Variants in CUX1 observed in about 807,000 individuals in gnomAD.
The protein encoded by CUX1 is cut like homeobox 1.
CUX1 carries 31 observed loss-of-function variants against 158.8 expected under a neutral mutation model. The ratio of observed to expected loss-of-function variants is 0.20; its 90% CI spans 0.15 to 0.26. The LOEUF is 0.26. Ranked by LOEUF, CUX1 falls within the 10% of genes least tolerant of loss-of-function variation. The pLI, the probability that CUX1 is intolerant of heterozygous loss-of-function variation, is 1.00. For synonymous variants in CUX1, 879 were observed against 862.1 expected, an observed-to-expected ratio of 1.02 and a Z score of -0.34; for missense variants, 1,589 against 2,014.6, an observed-to-expected ratio of 0.79 and a Z score of 4.04.
At chr7:101,903,947 A>AT (rs1396104522) in intron 1 of CUX1, among the ~76,000 whole-genome samples, 2 of 152,082 alleles carry the variant, frequency 1.3e-5, no homozygotes, top group African/African-American at 2.4e-5. Context: ...CCAAATTATA[A>AT]TTTTTTATTC....
intron 20 of CUX1, among the ~76,000 whole-genome samples, chr7:102,216,932 C>T (rs908584325): frequency 1.1e-4 from 16 of 152,022 alleles, no homozygotes; most frequent in Non-Finnish European, 4.4e-5. Flanking sequence ...TCTTTGATTA[C>T]AGCAAAGCAA....
At chr7:102,224,003 T>A (rs980029011) in intron 20 of CUX1, among the ~76,000 whole-genome samples, 2 of 152,104 alleles carry the variant, frequency 1.3e-5, no homozygotes, top group Non-Finnish European at 2.9e-5. Flanking sequence ...CTCCCCAACA[T>A]GATGTTCTGA....
At chr7:102,063,367 TTAAG>T (rs5886213) in intron 3 of CUX1, among the ~76,000 whole-genome samples, 9,772 of 149,884 alleles carry the variant, frequency 0.065, 494 homozygotes, top group African/African-American at 0.14. Flanking sequence ...TCTTTACATA[TTAAG>T]TATTTCCTTT....
At chr7:102,163,921 G>C (rs1374415580) in intron 9 of CUX1, among the ~76,000 whole-genome samples, 1 of 152,192 alleles carries the variant, frequency 6.6e-6, no homozygotes, top group Non-Finnish European at 1.5e-5. Flanking sequence ...CTCAACCACT[G>C]TGCTCCTGTT....
chr7:102,097,484 C>A lies in CUX1; in HGVS notation c.389C>A (p.Ala130Asp). 6.2e-7 allele frequency: 1 copy of A among 1,600,172 alleles called. No homozygotes were observed. The highest frequency in any genetic ancestry group is 1.1e-5 in the South Asian group (1 of 87,688). ...CTGGAAGAATACAACAAGGAATTTG[C>A]TGAAGTGAAAAATCAAGGTTGGTGG... ...ETLEEYNKEF[A>D]EVKNQEVTIK... is the part of the protein sequence containing the mutation. Residue 130 changes from alanine to aspartate, a missense_variant, in exon 5 of 24, where the codon GCT becomes GAT. Ala to Asp is a moderately radical substitution (Grantham distance 126, BLOSUM62 -2). Around this residue, in one of 8 missense-constraint regions of CUX1, gnomAD observed 515 missense variants for 574.4 expected, o/e 0.90. Transcript: ENST00000292535.
intron 4 of CUX1, among the ~76,000 whole-genome samples, chr7:102,079,499 A>G (rs1827129810): frequency 6.6e-6 from 1 of 151,982 alleles, no homozygotes; most frequent in Non-Finnish European, 1.5e-5. Context: ...TTTTCATGCC[A>G]AGAAGTTCAT....
rs1789954443 is a variant in CUX1, at chr7:102,256,885, G to A, written c.*7843G>A. The A allele has an allele frequency of 6.1e-6, 6 of 985,416 alleles. 1 individual carries two copies. In the South Asian group the frequency reaches 1.9e-4, roughly 31 times the overall value. 61.0% of individuals were successfully genotyped at this position (985,416 alleles called of 1,614,324 possible). ...TTGGTTTTTTGTTGTTGTTTTTCTT[G>A]CGTACAAAGTTGGTCAAAACCATCT... is the stretch of plus-strand genomic sequence containing the variant. On this transcript the variant is annotated 3_prime_UTR_variant, in exon 24 of 24. Transcript: ENST00000292535.
At chr7:102,056,609 C>T (rs1003162434) in intron 3 of CUX1, among the ~76,000 whole-genome samples, 9 of 152,246 alleles carry the variant, frequency 5.9e-5, no homozygotes, top group Non-Finnish European at 1.0e-4. Flanking sequence ...TTGCTCTTGT[C>T]ACCCAGGCTG....
chr7:102,040,832 T>G (rs1303714563), intron 3 of CUX1, among the ~76,000 whole-genome samples: 1 of 152,256 alleles, frequency 6.6e-6, no homozygotes, highest in East Asian at 1.9e-4. Context: ...GGCCTCTTTC[T>G]GCCCGACTTT....
chr7:102,175,946 G>A (rs1294889774), intron 10 of CUX1, among the ~76,000 whole-genome samples: 1 of 152,208 alleles, frequency 6.6e-6, no homozygotes, highest in African/African-American at 2.4e-5. Flanking sequence ...GCCTCACTGT[G>A]CACCAGCAAC....
At chr7:101,965,848 CAAAAAAAAAAAAA>C (rs36052208) in intron 2 of CUX1, among the ~76,000 whole-genome samples, 7 of 50,122 alleles carry the variant, frequency 1.4e-4, no homozygotes, top group African/African-American at 3.1e-4. Flanking sequence ...GACTCCATCT[CAAAAAAAAAAAAA>C]AAAAAAAAAA....
At position 102,200,177 on chromosome 7, in the gene CUX1, A is replaced by G; in HGVS notation, c.2062+5A>G. The G allele has an allele frequency of 5.0e-6, 8 of 1,604,486 alleles. No homozygotes were observed. The highest frequency in any genetic ancestry group is 6.0e-6 in the Non-Finnish European group (7 of 1,175,538). ...AGCTCCAAGTGCAGAAAACTGGTACAGCTTCCATTTCTTCATCCACTGTCT... is the reference window on the plus strand; with the variant it reads ...AGCTCCAAGTGCAGAAAACTGGTACGGCTTCCATTTCTTCATCCACTGTCT... On this transcript the variant is annotated splice_donor_5th_base_variant and intron_variant, in intron 17 of 23. Coordinates refer to ENST00000292535, the MANE Select transcript of CUX1 (RefSeq NM_181552.4).
chr7:101,996,518 G>C (rs922433841), intron 2 of CUX1, among the ~76,000 whole-genome samples: 2 of 152,042 alleles, frequency 1.3e-5, no homozygotes. Flanking sequence ...GAGCAGACCT[G>C]GGGGTGGCGG....
Position 102,250,397 on chromosome 7 carries a change from A to G in CUX1, c.*1355A>G, listed in dbSNP as rs1479535287. The G allele has an allele frequency of 1.0e-6, 1 of 985,392 alleles. No individual in the cohort carries two copies. Among genetic ancestry groups the G allele is most frequent in the Non-Finnish European group, 1.2e-6 (1 of 830,010 alleles). 61.0% of individuals were successfully genotyped at this position (985,392 alleles called of 1,614,324 possible). On this transcript the variant is annotated 3_prime_UTR_variant, in exon 24 of 24. Transcript: ENST00000292535. ...CTCACACCACTCTCCTGGATACCTGATGAACTGAGCCCTCCCAGGGGAAGA... is the reference window on the plus strand; with the variant it reads ...CTCACACCACTCTCCTGGATACCTGGTGAACTGAGCCCTCCCAGGGGAAGA...
intron 1 of CUX1, among the ~76,000 whole-genome samples, chr7:101,833,246 AAAAAG>A (rs902283667): frequency 1.2e-4 from 18 of 151,616 alleles, no homozygotes; most frequent in Middle Eastern, 3.4e-3. Context: ...ACAGAAAAAA[AAAAAG>A]AAAAGAAAAG....
intron 2 of CUX1, among the ~76,000 whole-genome samples, chr7:101,978,338 G>A (rs1812978413): frequency 6.6e-6 from 1 of 152,114 alleles, no homozygotes; most frequent in Non-Finnish European, 1.5e-5. Flanking sequence ...GGGAAATGGC[G>A]TCACCACCCA....
At chr7:102,202,429 C>T (rs1554520091) in intron 18 of CUX1, among the ~76,000 whole-genome samples, 1 of 152,192 alleles carries the variant, frequency 6.6e-6, no homozygotes, top group Non-Finnish European at 1.5e-5. Flanking sequence ...CAGCCTTTCA[C>T]CTGCATGCTG....
chr7:102,156,040 G>A (rs140166296), intron 8 of CUX1, among the ~76,000 whole-genome samples: 1 of 152,292 alleles, frequency 6.6e-6, no homozygotes, highest in East Asian at 1.9e-4. Flanking sequence ...CAGATACAAT[G>A]AACATTGAAC....
intron 2 of CUX1, among the ~76,000 whole-genome samples, chr7:101,992,943 G>T (rs1017510416): frequency 1.3e-5 from 2 of 152,190 alleles, no homozygotes; most frequent in African/African-American, 4.8e-5. Flanking sequence ...GCCACCCCGA[G>T]GGGGCCCTGG....
Sources: gnomAD v4.1 joint callset for allele counts (sites outside exome capture counted in the v4.1 genomes callset) on GRCh38, gnomAD v4.1.1 for gene constraint, gnomAD v4.1.1 regional missense constraint, MANE v1.5 for transcripts, NCBI Gene and HGNC (gene_info 2026-07-23, HGNC 2026-07-21) for gene names.